Variants in TMEM132D observed in about 807,000 individuals in gnomAD.
TMEM132D encodes the protein transmembrane protein 132D.
In TMEM132D, 21 loss-of-function variants were observed where a neutral mutation model predicts 62.3. The ratio of observed to expected loss-of-function variants is 0.34; its 90% confidence interval spans 0.24 to 0.49. TMEM132D has a LOEUF of 0.49. TMEM132D is among the 20% of genes least tolerant of loss of function. The pLI, the probability that TMEM132D is intolerant of heterozygous loss-of-function variation, is 0.99. For missense variants in TMEM132D, 1,346 were observed against 1,402.8 expected (o/e 0.96, Z 0.65); for synonymous variants, 621 against 575.6 (o/e 1.08, Z -1.13).
rs568113644 is a variant in TMEM132D, at chr12:129,396,287, G to A, written c.1116-58470C>T. ...TGGGATTGGAGATGATGGTTGTGGCGGACACTCTTAATTATCTCCCACATT... is the reference window on the plus strand; with the variant it reads ...TGGGATTGGAGATGATGGTTGTGGCAGACACTCTTAATTATCTCCCACATT... On this transcript the variant is annotated intron_variant, in intron 3 of 8. Transcript: ENST00000422113. 7.2e-5 allele frequency among the ~76,000 whole-genome samples: 11 copies of A among 152,010 alleles called. No individual in the cohort carries two copies. In the East Asian group the frequency reaches 2.1e-3, roughly 29 times the overall value.
chr12:129,184,317 C>G (rs576518342), intron 5 of TMEM132D, among the ~76,000 whole-genome samples: 2 of 152,310 alleles, frequency 1.3e-5, no homozygotes, highest in South Asian at 4.1e-4. Context: ...AAATCGGTCA[C>G]CTTCCAAGAG....
intron 2 of TMEM132D, among the ~76,000 whole-genome samples, chr12:129,541,140 G>C (rs1876572072): frequency 6.6e-6 from 1 of 152,220 alleles, no homozygotes; most frequent in Non-Finnish European, 1.5e-5. Context: ...TCAGTGTAAG[G>C]AGCGGCTACT....
At chr12:129,541,990 G>C (rs377344384) in intron 2 of TMEM132D, among the ~76,000 whole-genome samples, 1 of 152,072 alleles carries the variant, frequency 6.6e-6, no homozygotes, top group Non-Finnish European at 1.5e-5. Context: ...AAAACAAAAA[G>C]AAACAAAGCA....
chr12:129,310,387 A>G (rs1376508847), intron 4 of TMEM132D, among the ~76,000 whole-genome samples: 1 of 152,214 alleles, frequency 6.6e-6, no homozygotes, highest in African/African-American at 2.4e-5. Context: ...CTAAGCTGTT[A>G]CCAATCCTTG....
intron 5 of TMEM132D, among the ~76,000 whole-genome samples, chr12:129,172,732 C>T (rs542546277): frequency 3.3e-5 from 5 of 152,308 alleles, no homozygotes; most frequent in African/African-American, 1.2e-4. Flanking sequence ...GCATGCACCA[C>T]CACACCCAGC....
intron 1 of TMEM132D, among the ~76,000 whole-genome samples, chr12:129,826,514 T>C (rs1220858798): frequency 1.3e-5 from 2 of 152,202 alleles, no homozygotes; most frequent in African/African-American, 4.8e-5. Flanking sequence ...CAGCCCGCCT[T>C]GCTCCTGGGA....
In TMEM132D at chr12:129,420,308, T is replaced by TTTTTTTG. The variant is rs1872269896; in HGVS notation, c.1116-82492_1116-82491insCAAAAAA. On this transcript the variant is annotated intron_variant, in intron 3 of 8. Coordinates refer to ENST00000422113, the MANE Select transcript of TMEM132D (RefSeq NM_133448.3). ...TTTCAAATTATTGCACGTTCTCTGT[T>TTTTTTTG]TTTTTTTTTTTTTTTTTTTTTTGCA... Among the ~76,000 whole-genome samples the TTTTTTTG allele has an allele frequency of 1.1e-4, 4 of 36,866 alleles. No individual in the cohort carries two copies. In the East Asian group the frequency reaches 1.6e-3, roughly 15 times the overall value. The allele number at this position is 36,866 out of a possible 152,430, so 24.2% of individuals were successfully genotyped here.
intron 2 of TMEM132D, among the ~76,000 whole-genome samples, chr12:129,637,826 C>T (rs373640326): frequency 3.8e-4 from 58 of 151,946 alleles, no homozygotes; most frequent in Non-Finnish European, 7.6e-4. Flanking sequence ...AGGCAGGGGG[C>T]GGAGGTGCCA....
intron 3 of TMEM132D, among the ~76,000 whole-genome samples, chr12:129,488,293 T>C (rs1874651910): frequency 6.6e-6 from 1 of 152,176 alleles, no homozygotes; most frequent in Non-Finnish European, 1.5e-5. Context: ...ATGGGCCTGG[T>C]TTGTCTCCTG....
intron 5 of TMEM132D, among the ~76,000 whole-genome samples, chr12:129,152,991 TC>T (rs1387796764): frequency 4.6e-5 from 7 of 152,254 alleles, no homozygotes; most frequent in Non-Finnish European, 1.0e-4. Flanking sequence ...TCCTGCCAAC[TC>T]TTCCGAGCTC....
At chr12:129,226,423 G>A (rs959466796) in intron 4 of TMEM132D, among the ~76,000 whole-genome samples, 5 of 152,194 alleles carry the variant, frequency 3.3e-5, no homozygotes, top group Non-Finnish European at 7.3e-5. Flanking sequence ...CAAGGGACAG[G>A]AAGGTTCTCA....
intron 4 of TMEM132D, among the ~76,000 whole-genome samples, chr12:129,213,770 T>C (rs1379671526): frequency 4.6e-5 from 7 of 152,104 alleles, no homozygotes; most frequent in African/African-American, 1.4e-4. Flanking sequence ...AGAGGGACTT[T>C]ACCTACTCAT....
chr12:129,768,510 A>ATATATGATTTATAT (rs1870629373), intron 1 of TMEM132D, among the ~76,000 whole-genome samples: 1 of 151,940 alleles, frequency 6.6e-6, no homozygotes, highest in Non-Finnish European at 1.5e-5. Flanking sequence ...AGTAGAATTA[A>ATATATGATTTATAT]TATATGATTT....
chr12:129,368,152 C>T (rs1870482123), intron 3 of TMEM132D, among the ~76,000 whole-genome samples: 1 of 152,134 alleles, frequency 6.6e-6, no homozygotes, highest in Admixed American at 6.5e-5. Flanking sequence ...TACCGAGTGA[C>T]ACTCCTGTTA....
rs557375181 is a variant in TMEM132D at position 129,346,072 on chromosome 12, CT to C, written c.1116-8256del. 4.2e-3 allele frequency among the ~76,000 whole-genome samples: 638 copies of C among 152,002 alleles called. 3 individuals carry two copies. The highest frequency in any genetic ancestry group is 0.015 in the African/African-American group (607 of 41,472). On this transcript the variant is annotated intron_variant, in intron 3 of 8. Coordinates refer to ENST00000422113, the MANE Select transcript of TMEM132D (RefSeq NM_133448.3). ...GGCTGTGAATCCATCTGGTCCTGGG[CT>C]TTTTTTGGTTGGTAGGCTATTAATT...
intron 2 of TMEM132D, among the ~76,000 whole-genome samples, chr12:129,613,964 G>T (rs1878848307): frequency 1.3e-5 from 2 of 151,904 alleles, no homozygotes; most frequent in African/African-American, 4.8e-5. Context: ...GAACGCAGGG[G>T]ACTGACTCCA....
chr12:129,879,813 G>GA, intron 1 of TMEM132D, among the ~76,000 whole-genome samples: 1 of 152,088 alleles, frequency 6.6e-6, no homozygotes, highest in East Asian at 1.9e-4. Flanking sequence ...ATTAATAATG[G>GA]AAATACTGAA....
intron 2 of TMEM132D, among the ~76,000 whole-genome samples, chr12:129,545,751 C>T (rs1443686946): frequency 2.0e-5 from 3 of 152,228 alleles, no homozygotes; most frequent in Non-Finnish European, 2.9e-5. Flanking sequence ...GTCTTTACAA[C>T]TTCTGAGACT....
At chr12:129,790,420 C>T (rs1273051066) in intron 1 of TMEM132D, among the ~76,000 whole-genome samples, 3 of 152,134 alleles carry the variant, frequency 2.0e-5, no homozygotes, top group African/African-American at 4.8e-5. Context: ...AAGCGGCTCT[C>T]AGCAGGAAGG....
Sources: allele counts gnomAD v4.1 joint callset (sites outside exome capture counted in the v4.1 genomes callset), GRCh38; gene constraint gnomAD v4.1.1; transcripts MANE v1.5; gene names NCBI Gene and HGNC (gene_info 2026-07-23, HGNC 2026-07-21).